Variants in GRM1 observed in about 807,000 individuals in gnomAD.
GRM1 encodes the protein glutamate metabotropic receptor 1, also known as metabotropic glutamate receptor 1.
In GRM1, 33 loss-of-function variants were observed where a neutral mutation model predicts 90.9. The ratio of observed to expected loss-of-function variants is 0.36; its 90% CI spans 0.28 to 0.49. GRM1 has a LOEUF of 0.49. Ranked by LOEUF, GRM1 falls within the 20% of genes least tolerant of loss-of-function variation. The pLI is 0.99. For missense variants in GRM1, 1,190 were observed against 1,534.3 expected (o/e 0.78, Z 3.75); for synonymous variants, 700 against 613.2 (o/e 1.14, Z -2.09).
chr6:146,177,585 T>C (rs545389374), intron 2 of GRM1, among the ~76,000 whole-genome samples: 12 of 152,286 alleles, frequency 7.9e-5, no homozygotes, highest in Non-Finnish European at 1.0e-4. Context: ...GGATAACTTA[T>C]GAGTACTGTT....
intron 1 of GRM1, among the ~76,000 whole-genome samples, chr6:146,034,897 A>G (rs1041176269): frequency 1.3e-5 from 2 of 152,010 alleles, no homozygotes; most frequent in African/African-American, 4.8e-5. Context: ...AATTTTGAAG[A>G]CTTAATTTCG....
At chr6:146,246,081 A>G (rs1781050359) in intron 2 of GRM1, among the ~76,000 whole-genome samples, 2 of 152,230 alleles carry the variant, frequency 1.3e-5, no homozygotes, top group African/African-American at 4.8e-5. Context: ...GTCAACAACA[A>G]CAAATGAACA....
intron 5 of GRM1, among the ~76,000 whole-genome samples, chr6:146,366,845 T>C (rs1014363286): frequency 6.6e-6 from 1 of 152,204 alleles, no homozygotes; most frequent in Admixed American, 6.5e-5. Flanking sequence ...GCCCATCCTG[T>C]AGGTTGTCTC....
At chr6:146,181,440 C>G (rs1370313008) in intron 2 of GRM1, among the ~76,000 whole-genome samples, 1 of 152,130 alleles carries the variant, frequency 6.6e-6, no homozygotes, top group Non-Finnish European at 1.5e-5. Context: ...TTTCAATCTT[C>G]AAGTGAGAAA....
intron 3 of GRM1, among the ~76,000 whole-genome samples, chr6:146,325,656 T>A (rs1259974680): frequency 1.3e-5 from 2 of 152,198 alleles, no homozygotes; most frequent in African/African-American, 4.8e-5. Flanking sequence ...CCAACATTCT[T>A]CACAAAATTG....
At chr6:146,151,759 T>G (rs555765973) in intron 1 of GRM1, among the ~76,000 whole-genome samples, 49 of 152,312 alleles carry the variant, frequency 3.2e-4, no homozygotes, top group Non-Finnish European at 6.5e-4. Context: ...ACCCCCATTT[T>G]CAGTGCCTAT....
At chr6:146,300,820 G>A (rs1456415926) in intron 2 of GRM1, among the ~76,000 whole-genome samples, 1 of 152,116 alleles carries the variant, frequency 6.6e-6, no homozygotes. Context: ...TTTACACCCT[G>A]CCACCACCAT....
At chr6:146,344,973 G>T (rs574035415) in intron 3 of GRM1, among the ~76,000 whole-genome samples, 1 of 152,136 alleles carries the variant, frequency 6.6e-6, no homozygotes, top group South Asian at 2.1e-4. Context: ...CAATATGCCT[G>T]ACAAATTTTG....
intron 1 of GRM1, among the ~76,000 whole-genome samples, chr6:146,135,293 G>C (rs1342049934): frequency 6.6e-6 from 1 of 152,136 alleles, no homozygotes; most frequent in East Asian, 1.9e-4. Flanking sequence ...CAGAGCGCCT[G>C]CTTATCACCA....
chr6:146,082,545 C>A (rs1166900977), intron 1 of GRM1, among the ~76,000 whole-genome samples: 1 of 152,106 alleles, frequency 6.6e-6, no homozygotes, highest in South Asian at 2.1e-4. Context: ...ATGTCATTAT[C>A]TTTAACCCCT....
At chr6:146,081,032 G>C (rs1776348862) in intron 1 of GRM1, among the ~76,000 whole-genome samples, 1 of 152,174 alleles carries the variant, frequency 6.6e-6, no homozygotes, top group Non-Finnish European at 1.5e-5. Flanking sequence ...AGTGAAGCAT[G>C]ATGGAGTAAC....
chr6:146,375,302 T>G (rs1441580505), intron 5 of GRM1, among the ~76,000 whole-genome samples: 1 of 152,060 alleles, frequency 6.6e-6, no homozygotes, highest in East Asian at 1.9e-4. Flanking sequence ...GTATGATCTA[T>G]CCTTGATAAT....
chr6:146,159,747 A>G (rs552531379), intron 2 of GRM1, 150 bp downstream of exon 2: 8 of 690,210 alleles, frequency 1.2e-5, no homozygotes, highest in East Asian at 1.1e-4. Flanking sequence ...TGAGCTGAAC[A>G]TTAGTTCTGG....
chr6:146,202,985 GGAGA>G (rs1360030973), intron 2 of GRM1, among the ~76,000 whole-genome samples: 1 of 151,964 alleles, frequency 6.6e-6, no homozygotes, highest in Non-Finnish European at 1.5e-5. Flanking sequence ...CACGAGGTCA[GGAGA>G]GAGAGACAAT....
chr6:146,266,424 C>T (rs1781889531), intron 2 of GRM1, among the ~76,000 whole-genome samples: 1 of 152,088 alleles, frequency 6.6e-6, no homozygotes, highest in South Asian at 2.1e-4. Flanking sequence ...TTCCCTCAAT[C>T]TCCCAGGAAC....
chr6:146,300,122 A>C (rs1197326156), intron 2 of GRM1, among the ~76,000 whole-genome samples: 1 of 152,304 alleles, frequency 6.6e-6, no homozygotes, highest in East Asian at 1.9e-4. Flanking sequence ...AATCTCTGGA[A>C]TATTTTAAAG....
rs369426335 is a variant in GRM1, at chr6:146,398,725, G to A, written c.1730-44G>A. The A allele has an allele frequency of 3.8e-6, 5 of 1,323,604 alleles. No homozygotes were observed. In the African/African-American group the frequency reaches 5.8e-5, roughly 15 times the overall value. 82.0% of individuals were successfully genotyped at this position (1,323,604 alleles called of 1,614,324 possible). A position where few individuals can be genotyped will look rare whatever the true frequency, so the allele number is the denominator to read the frequency against. ...ATTAATAGGCAAGTTGTTATTCCTA[G>A]CAGAAACCTTGGATTCATGCTCAAA... On this transcript the variant is annotated intron_variant, in intron 6 of 7. Transcript: ENST00000282753.
intron 7 of GRM1, among the ~76,000 whole-genome samples, chr6:146,425,175 C>T (rs936676297): frequency 6.6e-6 from 1 of 151,736 alleles, no homozygotes. Context: ...TGGAATTGTA[C>T]ATATGGATTA....
chr6:146,333,858 A>C (rs954049698), intron 3 of GRM1, among the ~76,000 whole-genome samples: 4 of 152,206 alleles, frequency 2.6e-5, no homozygotes, highest in Non-Finnish European at 5.9e-5. Context: ...AGGAAAATAA[A>C]TGAACAGTGA....
Sources: gnomAD v4.1 joint callset for allele counts (sites outside exome capture counted in the v4.1 genomes callset) on GRCh38, gnomAD v4.1.1 for gene constraint, MANE v1.5 for transcripts, NCBI Gene and HGNC (gene_info 2026-07-23, HGNC 2026-07-21) for gene names.